GNAQ: variants seen among roughly 807,000 people sequenced by gnomAD.
GNAQ encodes the protein G protein subunit alpha q, also known as guanine nucleotide-binding protein G(q) subunit alpha.
GNAQ carries 8 observed loss-of-function variants against 43.9 expected under a neutral mutation model. The observed-to-expected ratio is 0.18, with a 90% CI of 0.11 to 0.33. The LOEUF (loss-of-function observed/expected upper bound fraction) is 0.33. Ranked by LOEUF, GNAQ falls within the 10% of genes least tolerant of loss-of-function variation. GNAQ has a pLI of 1.00. For missense variants in GNAQ, 158 were observed against 450.8 expected (o/e 0.35, Z 5.88); for synonymous variants, 155 against 170.7 (o/e 0.91, Z 0.71).
chr9:77,878,675 T>C (rs1194337808), intron 2 of GNAQ, among the ~76,000 whole-genome samples: 2 of 151,714 alleles, frequency 1.3e-5, no homozygotes, highest in African/African-American at 2.4e-5. Flanking sequence ...AATTAAGATG[T>C]GTTTTGGTGC....
At chr9:77,793,106 A>G (rs1164478942) in intron 5 of GNAQ, among the ~76,000 whole-genome samples, 1 of 152,180 alleles carries the variant, frequency 6.6e-6, no homozygotes, top group African/African-American at 2.4e-5. Context: ...AAAATACTAC[A>G]TCCAGGGATT....
At chr9:77,755,497 T>C (rs1318377945) in intron 5 of GNAQ, among the ~76,000 whole-genome samples, 2 of 152,234 alleles carry the variant, frequency 1.3e-5, no homozygotes, top group East Asian at 3.8e-4. Flanking sequence ...CATGTACTCA[T>C]AATTTTTTTA....
chr9:77,763,443 G>A (rs1255957344), intron 5 of GNAQ, among the ~76,000 whole-genome samples: 2 of 152,078 alleles, frequency 1.3e-5, no homozygotes, highest in African/African-American at 4.8e-5. Context: ...TGGGCAACAT[G>A]GCAAGACCCC....
intron 2 of GNAQ, among the ~76,000 whole-genome samples, chr9:77,914,425 G>C (rs1323913542): frequency 6.6e-6 from 1 of 152,140 alleles, no homozygotes; most frequent in Non-Finnish European, 1.5e-5. Context: ...TTGGGAGGCC[G>C]AGGCGGGCGG....
intron 1 of GNAQ, among the ~76,000 whole-genome samples, chr9:77,935,804 G>A (rs939812798): frequency 3.3e-5 from 5 of 152,240 alleles, no homozygotes; most frequent in South Asian, 2.1e-4. Context: ...AGGAACAGAC[G>A]TGCAACAAAA....
At chr9:77,733,547 C>T (rs1286089573) in intron 5 of GNAQ, among the ~76,000 whole-genome samples, 2 of 152,176 alleles carry the variant, frequency 1.3e-5, no homozygotes, top group African/African-American at 2.4e-5. Flanking sequence ...CCTTCAATAT[C>T]CAGGTCAACC....
intron 3 of GNAQ, among the ~76,000 whole-genome samples, chr9:77,808,869 A>C (rs188858449): frequency 1.2e-3 from 180 of 151,792 alleles, no homozygotes; most frequent in East Asian, 0.01. Flanking sequence ...TAAACTTAAA[A>C]AAAACAAAAC....
At chr9:77,872,248 C>T (rs1407007191) in intron 2 of GNAQ, among the ~76,000 whole-genome samples, 3 of 152,202 alleles carry the variant, frequency 2.0e-5, no homozygotes, top group Non-Finnish European at 2.9e-5. Flanking sequence ...TTAAAAATTA[C>T]ATATGGTCAA....
intron 2 of GNAQ, among the ~76,000 whole-genome samples, chr9:77,902,971 T>C (rs1828637022): frequency 6.6e-6 from 1 of 152,166 alleles, no homozygotes; most frequent in South Asian, 2.1e-4. Flanking sequence ...AGGGAACTTA[T>C]AATCTTAGGA....
rs781560144 is a variant in GNAQ at position 77,886,851 on chromosome 9, C to G, written c.321+35310G>C. Among the ~76,000 whole-genome samples, 9 of 151,572 alleles carry G rather than the reference C, an allele frequency of 5.9e-5. 1 individual carries two copies. The highest frequency in any genetic ancestry group is 1.5e-5 in the Non-Finnish European group (1 of 68,002). On this transcript the variant is annotated intron_variant, in intron 2 of 6. Transcript: ENST00000286548. ...CGCAGCCGGGCACGGTGGCTCATGGCAGTAATCCCAGCACTTTGGGAGGCT... is the reference window on the plus strand; with the variant it reads ...CGCAGCCGGGCACGGTGGCTCATGGGAGTAATCCCAGCACTTTGGGAGGCT...
At position 77,754,670 on chromosome 9, in the gene GNAQ, T is replaced by C. The variant is rs74504431; in HGVS notation, c.736-26003A>G. On this transcript the variant is annotated intron_variant, in intron 5 of 6. Coordinates refer to ENST00000286548, the MANE Select transcript of GNAQ (RefSeq NM_002072.5). ...GCTGGGGATCAAGAGGAGTCATTAA[T>C]AGGAAAGATGGTTCCAAGACCTGCC... is the stretch of plus-strand genomic sequence containing the variant. 1.2e-3 allele frequency among the ~76,000 whole-genome samples: 189 copies of C among 152,270 alleles called. 4 individuals are homozygous for C. The East Asian group carries it at 0.034, about 28-fold the overall frequency.
Position 77,807,097 on chromosome 9 carries a change from T to C in GNAQ, c.476+8519A>G, listed in dbSNP as rs543067204. ...CTGGTCATGCTAACATGAGTTAACG[T>C]AAACTAATTATAAATCAAAATTCAA... On this transcript the variant is annotated intron_variant, in intron 3 of 6. Transcript: ENST00000286548. Among the ~76,000 whole-genome samples, 17 of 152,266 alleles carry C rather than the reference T, an allele frequency of 1.1e-4. No individual in the cohort carries two copies. In the South Asian group the frequency reaches 3.5e-3, roughly 32 times the overall value.
chr9:77,895,273 T>C (rs1389294810), intron 2 of GNAQ, among the ~76,000 whole-genome samples: 4 of 152,026 alleles, frequency 2.6e-5, no homozygotes, highest in African/African-American at 9.7e-5. Flanking sequence ...TCACATGTGT[T>C]AGTTCATTTA....
At chr9:77,815,035 CA>C (rs1826990053) in intron 3 of GNAQ, among the ~76,000 whole-genome samples, 2 of 152,152 alleles carry the variant, frequency 1.3e-5, no homozygotes, top group Non-Finnish European at 1.5e-5. Flanking sequence ...TGACAGCTCA[CA>C]AAATAATTCT....
chr9:77,922,883 G>A (rs1271671188), intron 1 of GNAQ, among the ~76,000 whole-genome samples: 1 of 152,030 alleles, frequency 6.6e-6, no homozygotes, highest in African/African-American at 2.4e-5. Context: ...AGGCTGGAAC[G>A]CAGTGGTGTG....
At chr9:77,989,728 A>G (rs909786072) in intron 1 of GNAQ, among the ~76,000 whole-genome samples, 2 of 152,104 alleles carry the variant, frequency 1.3e-5, no homozygotes, top group Admixed American at 1.3e-4. Flanking sequence ...GAAGGAATGC[A>G]TTTTCTTCTT....
intron 2 of GNAQ, among the ~76,000 whole-genome samples, chr9:77,821,039 T>C (rs888791576): frequency 3.4e-4 from 51 of 152,124 alleles, no homozygotes; most frequent in African/African-American, 1.0e-3. Context: ...AAAGGAAAAA[T>C]AGAGAATGTA....
chr9:77,894,059 T>C (rs933716799), intron 2 of GNAQ, among the ~76,000 whole-genome samples: 2 of 151,910 alleles, frequency 1.3e-5, no homozygotes, highest in South Asian at 4.1e-4. Context: ...ATTTTAGAGG[T>C]GAGGAAAATG....
At chr9:77,813,458 C>G (rs572258134) in intron 3 of GNAQ, among the ~76,000 whole-genome samples, 1 of 152,196 alleles carries the variant, frequency 6.6e-6, no homozygotes, top group Admixed American at 6.5e-5. Context: ...GAGAAACTGT[C>G]TGGGAGAGCT....
Sources: allele counts gnomAD v4.1 joint callset (sites outside exome capture counted in the v4.1 genomes callset), GRCh38; gene constraint gnomAD v4.1.1; transcripts MANE v1.5; gene names NCBI Gene and HGNC (gene_info 2026-07-23, HGNC 2026-07-21).